The following UBE2E3 variants were observed in gnomAD, a reference collection of about 807,000 sequenced individuals.
UBE2E3 encodes the protein ubiquitin conjugating enzyme E2 E3.
In UBE2E3, 5 loss-of-function variants were observed where a neutral mutation model predicts 23.6. The ratio of observed to expected loss-of-function variants is 0.21; its 90% CI spans 0.11 to 0.44. UBE2E3 has a LOEUF of 0.44. Ranked by LOEUF, UBE2E3 falls within the 20% of genes least tolerant of loss-of-function variation. UBE2E3 has a pLI of 0.99. For synonymous variants in UBE2E3, 78 were observed against 87.5 expected, an observed-to-expected ratio of 0.89 and a Z score of 0.60; for missense variants, 81 against 249.8, an observed-to-expected ratio of 0.32 and a Z score of 4.55.
intron 3 of UBE2E3, chr2:180,987,352 C>T: frequency 6.5e-7 from 1 of 1,549,918 alleles, no homozygotes. Context: ...TGTCCTTGTC[C>T]TCTCCTAGTC....
chr2:181,051,615 G>A (rs371755295), intron 3 of UBE2E3, among the ~76,000 whole-genome samples: 2 of 151,818 alleles, frequency 1.3e-5, no homozygotes, highest in African/African-American at 4.8e-5. Context: ...GGGAAAAGTC[G>A]TATCAACATT....
chr2:180,993,691 C>A (rs988559297), intron 3 of UBE2E3, among the ~76,000 whole-genome samples: 1 of 152,058 alleles, frequency 6.6e-6, no homozygotes, highest in Non-Finnish European at 1.5e-5. Flanking sequence ...TCTTATAGGT[C>A]CTTTACAAAT....
intron 3 of UBE2E3, among the ~76,000 whole-genome samples, chr2:181,001,680 C>T (rs1050882045): frequency 2.0e-5 from 3 of 152,082 alleles, no homozygotes; most frequent in African/African-American, 4.8e-5. Flanking sequence ...GAAATCTTTA[C>T]AGGGTATTGA....
chr2:181,024,226 G>T (rs1204181339), intron 3 of UBE2E3, among the ~76,000 whole-genome samples: 1 of 152,094 alleles, frequency 6.6e-6, no homozygotes, highest in South Asian at 2.1e-4. Flanking sequence ...TGAGCCTCTT[G>T]ACTGACTCTT....
chr2:180,986,032 A>G (rs1684457462), intron 3 of UBE2E3, among the ~76,000 whole-genome samples: 1 of 152,118 alleles, frequency 6.6e-6, no homozygotes, highest in African/African-American at 2.4e-5. Context: ...TTCTCTTTAT[A>G]TACCAGATTT....
rs190649005 is a variant in UBE2E3 at position 181,030,990 on chromosome 2, A to G, written c.246-26703A>G. Among the ~76,000 whole-genome samples the G allele has an allele frequency of 8.3e-3, 1,256 of 151,966 alleles. 12 individuals are homozygous for G. Among genetic ancestry groups the G allele is most frequent in the Non-Finnish European group, 8.6e-3 (585 of 67,928 alleles). On this transcript the variant is annotated intron_variant, in intron 3 of 5. Transcript: ENST00000410062. ...TACTATTACGTTTGTTACCTTTTCT[A>G]TTTACTTGAGCTAATTTTGCTGTTC...
chr2:181,004,431 G>T (rs558744930), intron 3 of UBE2E3, among the ~76,000 whole-genome samples: 1 of 152,030 alleles, frequency 6.6e-6, no homozygotes, highest in Non-Finnish European at 1.5e-5. Context: ...TCAAGAGATC[G>T]GGACCATCCT....
chr2:181,021,618 CTCTCCCTCCCTTTTTTCCTTCCTT>C (rs1685696128), intron 3 of UBE2E3, among the ~76,000 whole-genome samples: 2 of 28,946 alleles, frequency 6.9e-5, no homozygotes, highest in Admixed American at 4.3e-4. Context: ...CTTCCTCCCT[CTCTCCCTCCCTTTTTTCCTTCCTT>C]CCTTCCTTCC....
chr2:181,004,836 T>C (rs1206070865), intron 3 of UBE2E3, among the ~76,000 whole-genome samples: 1 of 152,242 alleles, frequency 6.6e-6, no homozygotes, highest in Non-Finnish European at 1.5e-5. Flanking sequence ...GCCTTTATTG[T>C]TTCTTGGCCT....
At chr2:181,036,848 T>C (rs942740936) in intron 3 of UBE2E3, among the ~76,000 whole-genome samples, 2 of 152,232 alleles carry the variant, frequency 1.3e-5, no homozygotes, top group Non-Finnish European at 2.9e-5. Context: ...ACCAGAAATA[T>C]GACATAGGAA....
At chr2:181,041,055 C>T (rs1291634341) in intron 3 of UBE2E3, among the ~76,000 whole-genome samples, 1 of 151,846 alleles carries the variant, frequency 6.6e-6, no homozygotes, top group Non-Finnish European at 1.5e-5. Context: ...CAAAACCATC[C>T]TGGCCAGCAT....
chr2:181,061,533 C>T (rs1687150833), intron 5 of UBE2E3, among the ~76,000 whole-genome samples: 1 of 151,576 alleles, frequency 6.6e-6, no homozygotes, highest in Non-Finnish European at 1.5e-5. Context: ...TAGAAGGCTT[C>T]TTGTTCTCCC....
intron 3 of UBE2E3, among the ~76,000 whole-genome samples, chr2:180,992,287 A>G (rs1018211282): frequency 5.9e-5 from 9 of 152,166 alleles, no homozygotes; most frequent in Admixed American, 5.2e-4. Flanking sequence ...TTCTAGATAC[A>G]CAGTATTACA....
At chr2:181,035,091 G>C (rs1020946953) in intron 3 of UBE2E3, among the ~76,000 whole-genome samples, 1 of 152,064 alleles carries the variant, frequency 6.6e-6, no homozygotes, top group Non-Finnish European at 1.5e-5. Context: ...TCACTTAGGT[G>C]CTTTATGGTT....
chr2:181,052,010 A>G lies in UBE2E3; in HGVS notation c.246-5683A>G, dbSNP rs567227602. Reference sequence around the variant, plus strand: ...TTCTGAGTCACTGAGGTATTTCCATATAGTTTGGCACAATGTAAAAATTGT... The same window carrying G: ...TTCTGAGTCACTGAGGTATTTCCATGTAGTTTGGCACAATGTAAAAATTGT... On this transcript the variant is annotated intron_variant, in intron 3 of 5. Transcript: ENST00000410062. Among the ~76,000 whole-genome samples the G allele has an allele frequency of 4.6e-5, 7 of 151,970 alleles. No individual in the cohort carries two copies. In the South Asian group the frequency reaches 6.2e-4, roughly 14 times the overall value.
Position 181,031,178 on chromosome 2 carries a change from A to C in UBE2E3, c.246-26515A>C, listed in dbSNP as rs553425700. Among the ~76,000 whole-genome samples, 29 of 152,146 alleles carry C rather than the reference A, an allele frequency of 1.9e-4. 1 individual carries two copies. The highest frequency in any genetic ancestry group is 2.4e-4 in the Non-Finnish European group (16 of 67,960). On this transcript the variant is annotated intron_variant, in intron 3 of 5. Transcript: ENST00000410062. Reference sequence around the variant, plus strand: ...GCTTTTGGACCTAATGTATTGTTAGATTTTATACATATGTCCAGTGTGCTT... The same window carrying C: ...GCTTTTGGACCTAATGTATTGTTAGCTTTTATACATATGTCCAGTGTGCTT...
intron 3 of UBE2E3, among the ~76,000 whole-genome samples, chr2:181,021,469 CTCTT>C (rs556519478): frequency 6.6e-4 from 86 of 131,020 alleles, no homozygotes; most frequent in African/African-American, 2.2e-3. Flanking sequence ...CTTTCTTTTT[CTCTT>C]TCTTTCTCTC....
intron 3 of UBE2E3, among the ~76,000 whole-genome samples, chr2:181,024,002 CT>C (rs748945090): frequency 1.4e-4 from 21 of 152,004 alleles, no homozygotes; most frequent in Non-Finnish European, 2.1e-4. Flanking sequence ...TTTTATATTT[CT>C]TTTGCATTTG....
intron 3 of UBE2E3, among the ~76,000 whole-genome samples, chr2:181,021,619 T>TCCCTTCCTTCCTTCCTTC (rs1685696554): frequency 6.3e-5 from 1 of 15,836 alleles, no homozygotes. Context: ...TTCCTCCCTC[T>TCCCTTCCTTCCTTCCTTC]CTCCCTCCCT....
Sources: gnomAD v4.1 joint callset for allele counts (sites outside exome capture counted in the v4.1 genomes callset) on GRCh38, gnomAD v4.1.1 for gene constraint, MANE v1.5 for transcripts, NCBI Gene and HGNC (gene_info 2026-07-23, HGNC 2026-07-21) for gene names.